The following PLPP4 variants were observed in gnomAD, a reference collection of about 807,000 sequenced individuals.
The protein encoded by PLPP4 is phospholipid phosphatase 4, also known as diacylglycerol pyrophosphate like 2.
Under a neutral mutation model 32.2 loss-of-function variants are expected in PLPP4, and 20 were observed. The observed-to-expected ratio is 0.62, with a 90% confidence interval of 0.44 to 0.90. PLPP4 has a LOEUF of 0.90. Ranked by LOEUF, PLPP4 falls within the 40% of genes least tolerant of loss-of-function variation. PLPP4 has a pLI of 0.00. For missense variants in PLPP4, 257 were observed against 353.1 expected (o/e 0.73, Z 2.18); for synonymous variants, 127 against 133.0 (o/e 0.95, Z 0.31).
chr10:120,584,072 A>T (rs1849642975), intron 6 of PLPP4, among the ~76,000 whole-genome samples: 1 of 152,170 alleles, frequency 6.6e-6, no homozygotes, highest in Non-Finnish European at 1.5e-5. Context: ...TTCTTAAAAG[A>T]TGGGTCTATC....
At chr10:120,532,616 TC>T (rs1341993112) in intron 5 of PLPP4, among the ~76,000 whole-genome samples, 3 of 152,146 alleles carry the variant, frequency 2.0e-5, no homozygotes, top group Non-Finnish European at 2.9e-5. Flanking sequence ...ATTAGCTCTC[TC>T]CCTCCACCTC....
At chr10:120,516,476 A>T (rs1218822311) in intron 3 of PLPP4, among the ~76,000 whole-genome samples, 3 of 150,008 alleles carry the variant, frequency 2.0e-5, no homozygotes, top group Non-Finnish European at 4.4e-5. Context: ...ATAATAGAGA[A>T]CCCTCTTATA....
chr10:120,553,301 G>A (rs1246367126), intron 5 of PLPP4, among the ~76,000 whole-genome samples: 1 of 152,162 alleles, frequency 6.6e-6, no homozygotes, highest in African/African-American at 2.4e-5. Context: ...AGGTGATTAA[G>A]TCATAGGGCC....
intron 5 of PLPP4, among the ~76,000 whole-genome samples, chr10:120,563,963 TTACTG>T (rs1269730946): frequency 1.3e-5 from 2 of 152,082 alleles, no homozygotes; most frequent in Non-Finnish European, 2.9e-5. Context: ...TTGAGCCTCT[TTACTG>T]TATGTTTGTT....
chr10:120,528,386 T>A (rs537587498), intron 5 of PLPP4, among the ~76,000 whole-genome samples: 172 of 152,294 alleles, frequency 1.1e-3, no homozygotes, highest in African/African-American at 3.7e-3. Flanking sequence ...CACTCTCCTT[T>A]CTTTTAAGAA....
At chr10:120,564,426 G>A (rs1206720842) in intron 5 of PLPP4, among the ~76,000 whole-genome samples, 3 of 151,908 alleles carry the variant, frequency 2.0e-5, no homozygotes, top group Non-Finnish European at 4.4e-5. Context: ...TTAAAAGAAC[G>A]TGAATTTTAA....
At chr10:120,556,724 C>G (rs960061738) in intron 5 of PLPP4, among the ~76,000 whole-genome samples, 1 of 152,042 alleles carries the variant, frequency 6.6e-6, no homozygotes, top group African/African-American at 2.4e-5. Context: ...CGTATTGATC[C>G]CATTTGCAGG....
At chr10:120,557,708 T>A (rs998002587) in intron 5 of PLPP4, among the ~76,000 whole-genome samples, 6 of 152,364 alleles carry the variant, frequency 3.9e-5, no homozygotes, top group Admixed American at 3.9e-4. Flanking sequence ...TGCATAGCCC[T>A]GGCATGTGTA....
chr10:120,577,855 C>T (rs541586548), intron 6 of PLPP4, among the ~76,000 whole-genome samples: 2 of 152,302 alleles, frequency 1.3e-5, no homozygotes, highest in African/African-American at 2.4e-5. Flanking sequence ...GCTCATTTTA[C>T]CTGAGTTCCC....
At chr10:120,564,480 T>C (rs1259818720) in intron 5 of PLPP4, among the ~76,000 whole-genome samples, 2 of 151,894 alleles carry the variant, frequency 1.3e-5, no homozygotes. Flanking sequence ...AGAACAAGAT[T>C]GTTAATTTGG....
intron 1 of PLPP4, among the ~76,000 whole-genome samples, chr10:120,473,260 T>C (rs1002006339): frequency 6.6e-6 from 1 of 152,208 alleles, no homozygotes; most frequent in South Asian, 2.1e-4. Context: ...GTCATTTTAG[T>C]CTTCAGAACT....
intron 5 of PLPP4, among the ~76,000 whole-genome samples, chr10:120,558,067 C>T (rs1848241080): frequency 6.6e-6 from 1 of 151,052 alleles, no homozygotes; most frequent in Non-Finnish European, 1.5e-5. Context: ...AACAGACCTC[C>T]ATGTACCCAG....
chr10:120,498,898 G>A (rs1388859483), intron 1 of PLPP4, among the ~76,000 whole-genome samples: 1 of 152,024 alleles, frequency 6.6e-6, no homozygotes, highest in Non-Finnish European at 1.5e-5. Context: ...TGCCTCATGT[G>A]ATCCACCTGC....
At chr10:120,571,383 TAAAGG>T (rs759251019) in intron 5 of PLPP4, among the ~76,000 whole-genome samples, 5 of 151,998 alleles carry the variant, frequency 3.3e-5, no homozygotes, top group Non-Finnish European at 7.4e-5. Context: ...GGACTGTGCT[TAAAGG>T]GAGGATGGAG....
intron 5 of PLPP4, among the ~76,000 whole-genome samples, chr10:120,537,717 G>A (rs1485592149): frequency 6.6e-6 from 1 of 152,178 alleles, no homozygotes; most frequent in Non-Finnish European, 1.5e-5. Flanking sequence ...ACTATGTGAG[G>A]TGATGGATAT....
intron 1 of PLPP4, among the ~76,000 whole-genome samples, chr10:120,466,807 C>T (rs186223744): frequency 4.9e-4 from 74 of 152,242 alleles, no homozygotes; most frequent in African/African-American, 1.6e-3. Context: ...GTGATGTAAG[C>T]TGTGCCAGGT....
intron 1 of PLPP4, among the ~76,000 whole-genome samples, chr10:120,474,842 C>T (rs1429913175): frequency 6.6e-6 from 1 of 152,170 alleles, no homozygotes; most frequent in Admixed American, 6.5e-5. Flanking sequence ...CTTGACTATT[C>T]AAACAACTCT....
intron 6 of PLPP4, among the ~76,000 whole-genome samples, chr10:120,583,703 A>G (rs1186036570): frequency 3.3e-5 from 5 of 152,216 alleles, no homozygotes. Context: ...ATGTGTGGCC[A>G]TTTGTGGCTG....
intron 6 of PLPP4, among the ~76,000 whole-genome samples, chr10:120,581,581 C>T (rs1311396409): frequency 1.3e-5 from 2 of 152,224 alleles, no homozygotes; most frequent in East Asian, 1.9e-4. Flanking sequence ...TTGTCCTCCT[C>T]GTTCACATGA....
Sources: gnomAD v4.1 joint callset for allele counts (sites outside exome capture counted in the v4.1 genomes callset) on GRCh38, gnomAD v4.1.1 for gene constraint, MANE v1.5 for transcripts, NCBI Gene and HGNC (gene_info 2026-07-23, HGNC 2026-07-21) for gene names.